DBNDD1: variants seen among roughly 807,000 people sequenced by gnomAD.
The protein encoded by DBNDD1 is dysbindin domain-containing protein 1.
DBNDD1 carries 14 observed loss-of-function variants against 17.0 expected under a neutral mutation model. That is an observed-to-expected ratio of 0.82 (90% CI 0.54 to 1.29). DBNDD1 has a LOEUF of 1.29. DBNDD1 is among the 50% of genes most tolerant of loss of function. The pLI is 0.00. For missense variants in DBNDD1, 221 were observed against 216.2 expected (o/e 1.02, Z -0.14); for synonymous variants, 105 against 102.0 (o/e 1.03, Z -0.18).
intron 1 of DBNDD1, among the ~76,000 whole-genome samples, chr16:90,017,881 G>A (rs892782310): frequency 1.3e-5 from 2 of 152,244 alleles, no homozygotes; most frequent in Non-Finnish European, 2.9e-5. Flanking sequence ...GCGACCTGTA[G>A]GTAAATACCT....
chr16:90,006,351 C>T lies in DBNDD1; in HGVS notation c.461G>A (p.Arg154Lys), dbSNP rs1047788948. ...TVLDTFLTVE[R>K]PQED ...GGAGATGGTCTAGTCCTCCTGGGGC[C>T]TCTCCACAGTGAGAAACGTGTCCAG... The change falls in exon 4 of 4, where the codon AGG (arginine) becomes AAG (lysine). Residue 154 changes from arginine (R) to lysine (K), a missense_variant. Physicochemically the swap from Arg to Lys is conservative, Grantham distance 26. Transcript: ENST00000002501. 1.4e-5 allele frequency: 22 copies of T among 1,609,014 alleles called. No individual in the cohort carries two copies. The highest frequency in any genetic ancestry group is 1.6e-5 in the Non-Finnish European group (19 of 1,179,140).
At chr16:90,013,126 A>G (rs8059973) in intron 1 of DBNDD1, among the ~76,000 whole-genome samples, 116,817 of 151,264 alleles carry the variant, frequency 0.77, 45,844 homozygotes, top group Non-Finnish European at 0.85. Flanking sequence ...AATGACAGCT[A>G]GGTGTGGTGG....
rs1210681562 is a variant in DBNDD1 at position 90,005,910 on chromosome 16, C to T, written c.*425G>A. 2 of 173,766 alleles carry T rather than the reference C, an allele frequency of 1.2e-5. No homozygotes were observed. The highest frequency in any genetic ancestry group is 2.3e-5 in the African/African-American group (1 of 42,706). The allele number at this position is 173,766 out of a possible 1,614,324, so 10.8% of individuals were successfully genotyped here. On this transcript the variant is annotated 3_prime_UTR_variant, in exon 4 of 4. Coordinates refer to ENST00000002501, the MANE Select transcript of DBNDD1 (RefSeq NM_001042610.3). ...AGGAAAACGCGGAGGTTGGAGCACC[C>T]CCAGGAGTTCCTGGAGTGGCTGTCA...
intron 2 of DBNDD1, 24 bp from the exon 3 acceptor site, chr16:90,008,948 AGCCCTCAG>A (rs1448544246): frequency 1.3e-6 from 2 of 1,531,096 alleles, no homozygotes; most frequent in African/African-American, 2.7e-5. Flanking sequence ...GGGTACAGTC[AGCCCTCAG>A]GCCCTCCCAC....
intron 1 of DBNDD1, among the ~76,000 whole-genome samples, chr16:90,015,305 G>A (rs1440514688): frequency 1.3e-5 from 2 of 152,212 alleles, no homozygotes; most frequent in Non-Finnish European, 2.9e-5. Context: ...GCCCCCAGGA[G>A]GGGCACGATG....
intron 2 of DBNDD1, 22 bp from the exon 3 acceptor site, chr16:90,008,946 T>TCA (rs1761556673): frequency 6.5e-7 from 1 of 1,532,184 alleles, no homozygotes; most frequent in Non-Finnish European, 8.8e-7. Flanking sequence ...GGGGGTACAG[T>TCA]CAGCCCTCAG....
In DBNDD1 at chr16:90,010,115, G is replaced by A. The variant is rs985736164; in HGVS notation, c.32-685C>T. 3.3e-5 allele frequency: 48 copies of A among 1,470,040 alleles called. 1 individual carries two copies. Among genetic ancestry groups the A allele is most frequent in the South Asian group, 5.8e-5 (5 of 86,412 alleles). 91.1% of individuals were successfully genotyped at this position (1,470,040 alleles called of 1,614,324 possible). On this transcript the variant is annotated intron_variant, in intron 1 of 3. Transcript: ENST00000002501. ...GGCTGGAGTGCAGTGGTGCAATCTC[G>A]GCTCACTGCAACCTCTGCCCCTTGG...
At chr16:90,007,404 G>A (rs937345437) in intron 3 of DBNDD1, 3 of 152,392 alleles carry the variant, frequency 2.0e-5, no homozygotes, top group Admixed American at 2.0e-4. Context: ...TGCTCTCACA[G>A]TTACTGAAGT....
chr16:90,009,588 G>C, intron 1 of DBNDD1, 158 bp from the exon 2 acceptor site: 1 of 1,140,062 alleles, frequency 8.8e-7, no homozygotes, highest in Admixed American at 2.4e-5. Context: ...CCTCATGCCT[G>C]GACCCAGACA....
At chr16:90,009,005 G>T in intron 2 of DBNDD1, 81 bp from the exon 3 acceptor site, 2 of 1,437,850 alleles carry the variant, frequency 1.4e-6, no homozygotes, top group South Asian at 1.4e-5. Context: ...GAGAGAGTGT[G>T]CTGTGTCCTC....
At position 90,019,327 on chromosome 16, in the gene DBNDD1, C is replaced by T; in HGVS notation, c.15G>A (p.Glu5=). 1 of 1,219,632 alleles carries T rather than the reference C, an allele frequency of 8.2e-7. No homozygotes were observed. The highest frequency in any genetic ancestry group is 1.0e-6 in the Non-Finnish European group (1 of 979,900). The allele number at this position is 1,219,632 out of a possible 1,614,324, so 75.6% of individuals were successfully genotyped here. The change falls in exon 1 of 4, where the codon GAG becomes GAA. Residue 5 remains glutamate, a synonymous_variant. Coordinates refer to ENST00000002501, the MANE Select transcript of DBNDD1 (RefSeq NM_001042610.3). The surrounding 1 kb of genome is among the most constrained non-coding windows in gnomAD (Gnocchi z 6.1). MEPP[E]GAGTGEIVKE... is the part of the protein sequence containing the mutation. ...TGAACTCACCTCCGGTGCCGGCGCCCTCCGGGGGCTCCATGCGGCCGGTGC... is the reference window on the plus strand; with the variant it reads ...TGAACTCACCTCCGGTGCCGGCGCCTTCCGGGGGCTCCATGCGGCCGGTGC...
chr16:90,011,765 C>A, intron 1 of DBNDD1: 1 of 429,020 alleles, frequency 2.3e-6, no homozygotes. Context: ...CCAAGCCCAG[C>A]AGGGATACCT....
Position 90,009,360 on chromosome 16 carries a change from G to T in DBNDD1, c.102C>A (p.Gly34=). ...CGACCTCCTCCTCCACAGGCGTGTG[G>T]CCATTGTCCCCTGTCCCCTGGGCTG... ...GVPAQGTGDN[G]HTPVEEEVGG... The change falls in exon 2 of 4, where the codon GGC becomes GGA. Residue 34 remains glycine (G), a synonymous_variant. Coordinates refer to ENST00000002501, the MANE Select transcript of DBNDD1 (RefSeq NM_001042610.3). The T allele has an allele frequency of 1.2e-6, 2 of 1,613,454 alleles. No individual in the cohort carries two copies. The highest frequency in any genetic ancestry group is 8.5e-7 in the Non-Finnish European group (1 of 1,180,008).
intron 2 of DBNDD1, 162 bp from the exon 3 acceptor site, chr16:90,009,086 T>A (rs1342964628): frequency 1.7e-5 from 20 of 1,180,652 alleles, no homozygotes; most frequent in Non-Finnish European, 2.2e-5. Context: ...GTGTTGCGTA[T>A]ACTCATGACT....
upstream of DBNDD1, chr16:90,019,863 TCA>T (rs1361569318): frequency 1.6e-6 from 1 of 637,324 alleles, no homozygotes; most frequent in African/African-American, 1.9e-5. This position sits in a 1 kb window ranked among gnomAD's most constrained non-coding sequence, Gnocchi z 6.1. Flanking sequence ...AATGACAGAC[TCA>T]CAGAGCGCCC....
chr16:90,013,071 G>A (rs915693079), intron 1 of DBNDD1, among the ~76,000 whole-genome samples: 2 of 151,622 alleles, frequency 1.3e-5, no homozygotes, highest in Admixed American at 1.3e-4. Flanking sequence ...AATCTCTGGG[G>A]ACAGCACCCT....
intron 3 of DBNDD1, 99 bp from the exon 4 acceptor site, chr16:90,006,591 A>G (rs1406935954): frequency 1.0e-5 from 15 of 1,443,356 alleles, no homozygotes; most frequent in Admixed American, 6.1e-5. Flanking sequence ...ACTCCTGCCA[A>G]TGCTCTGCAC....
At chr16:90,010,534 A>AT (rs778294927) in intron 1 of DBNDD1, among the ~76,000 whole-genome samples, 2,521 of 128,882 alleles carry the variant, frequency 0.02, 55 homozygotes, top group African/African-American at 0.042. Context: ...CACCCAGCTA[A>AT]TTTTTTTTTT....
chr16:90,013,837 G>A (rs2035595049), intron 1 of DBNDD1, among the ~76,000 whole-genome samples: 1 of 149,676 alleles, frequency 6.7e-6, no homozygotes, highest in Non-Finnish European at 1.5e-5. Flanking sequence ...GCGGGGCTGT[G>A]CTCCCATTTT....
Sources: allele counts gnomAD v4.1 joint callset (sites outside exome capture counted in the v4.1 genomes callset), GRCh38; gene constraint gnomAD v4.1.1; non-coding constraint Gnocchi (gnomAD v3.1); transcripts MANE v1.5; gene names NCBI Gene and HGNC (gene_info 2026-07-23, HGNC 2026-07-21).